Variants in MAGI2 observed in about 807,000 individuals in gnomAD.
MAGI2 encodes the protein membrane associated guanylate kinase, WW and PDZ domain containing 2.
A neutral mutation model predicts 133.3 loss-of-function variants in MAGI2; 35 were observed. The observed-to-expected ratio is 0.26, with a 90% CI of 0.20 to 0.35. The LOEUF is 0.35. MAGI2 is among the 10% of genes least tolerant of loss of function. MAGI2 has a pLI of 1.00. For synonymous variants in MAGI2, 729 were observed against 710.6 expected (o/e 1.03, Z -0.41); for missense variants, 1,636 against 1,863.4 (o/e 0.88, Z 2.25).
At chr7:78,497,625 T>C (rs1205084043) in intron 5 of MAGI2, among the ~76,000 whole-genome samples, 3 of 152,212 alleles carry the variant, frequency 2.0e-5, no homozygotes, top group African/African-American at 7.2e-5. Context: ...AATTGCTTGT[T>C]ACCTTAACTC....
intron 2 of MAGI2, among the ~76,000 whole-genome samples, chr7:78,754,980 C>T (rs1041842443): frequency 4.6e-5 from 7 of 152,120 alleles, no homozygotes; most frequent in East Asian, 1.9e-4. Flanking sequence ...TTCACCTTGA[C>T]GGATGGTCTC....
intron 1 of MAGI2, among the ~76,000 whole-genome samples, chr7:79,207,387 T>C (rs1006204646): frequency 1.3e-5 from 2 of 151,970 alleles, no homozygotes; most frequent in Non-Finnish European, 2.9e-5. Context: ...AACACAATAT[T>C]AATATTTAAA....
chr7:78,809,397 G>A (rs1788855704), intron 2 of MAGI2, among the ~76,000 whole-genome samples: 1 of 152,164 alleles, frequency 6.6e-6, no homozygotes, highest in South Asian at 2.1e-4. Context: ...TATTTCCTCG[G>A]GAGAAAAGTG....
intron 21 of MAGI2, among the ~76,000 whole-genome samples, chr7:78,029,739 A>G (rs1809368597): frequency 6.6e-6 from 1 of 152,242 alleles, no homozygotes; most frequent in South Asian, 2.1e-4. Context: ...CAAAGTCCCC[A>G]TTGAAGTGCA....
chr7:78,642,077 T>C (rs559139020), intron 2 of MAGI2, among the ~76,000 whole-genome samples: 22 of 152,334 alleles, frequency 1.4e-4, no homozygotes, highest in African/African-American at 5.3e-4. Context: ...GGAAGAAACA[T>C]GGAGTCTGTA....
chr7:78,078,788 ATGTGTGTGTGTGTG>A (rs67657112), intron 21 of MAGI2, 145 bp downstream of exon 21: 5 of 624,300 alleles, frequency 8.0e-6, no homozygotes, highest in Admixed American at 2.8e-5. Flanking sequence ...GTGTGTGTGT[ATGTGTGTGTGTGTG>A]TGTGTGTGTG....
At chr7:79,153,721 C>T (rs1217530832) in intron 1 of MAGI2, among the ~76,000 whole-genome samples, 4 of 152,142 alleles carry the variant, frequency 2.6e-5, no homozygotes, top group Admixed American at 2.6e-4. Context: ...ACAAGAGTTA[C>T]AGGACCAGAT....
chr7:78,191,775 G>T (rs530511638), intron 12 of MAGI2, among the ~76,000 whole-genome samples: 11 of 152,138 alleles, frequency 7.2e-5, no homozygotes, highest in Non-Finnish European at 1.6e-4. Flanking sequence ...GTTTCACGTG[G>T]CCGTAGTATC....
intron 6 of MAGI2, among the ~76,000 whole-genome samples, chr7:78,458,549 A>G (rs901623720): frequency 1.3e-5 from 2 of 152,066 alleles, no homozygotes; most frequent in African/African-American, 4.8e-5. Context: ...ATACAATTAA[A>G]TAATAGTTTA....
intron 21 of MAGI2, among the ~76,000 whole-genome samples, chr7:78,021,820 A>G (rs1449336349): frequency 6.6e-6 from 1 of 152,168 alleles, no homozygotes; most frequent in Non-Finnish European, 1.5e-5. Flanking sequence ...CTGAGCCTCA[A>G]TTTCTTCCTT....
chr7:79,437,141 C>A (rs1363329457), intron 1 of MAGI2, among the ~76,000 whole-genome samples: 1 of 152,036 alleles, frequency 6.6e-6, no homozygotes, highest in African/African-American at 2.4e-5. Context: ...GGAAGCTAAA[C>A]ATTGGTACAC....
At position 78,131,623 on chromosome 7, in the gene MAGI2, C is replaced by T. The variant is rs186113167; in HGVS notation, c.3203+1266G>A. On this transcript the variant is annotated intron_variant, in intron 18 of 21. Transcript: ENST00000354212. ...TCTGTTTTTGTTTGTTTGTTTCCCA[C>T]GGAAAGCGAGAAAGCATCATGGGAA... Among the ~76,000 whole-genome samples the T allele has an allele frequency of 3.2e-3, 484 of 152,258 alleles. 1 individual carries two copies. Among genetic ancestry groups the T allele is most frequent in the African/African-American group, 0.01 (425 of 41,558 alleles).
chr7:78,444,804 G>A (rs959460034), intron 6 of MAGI2, among the ~76,000 whole-genome samples: 2 of 148,718 alleles, frequency 1.3e-5, no homozygotes, highest in Non-Finnish European at 3.0e-5. Flanking sequence ...ATATATGTGT[G>A]TACATACAAA....
intron 2 of MAGI2, among the ~76,000 whole-genome samples, chr7:78,921,830 G>A (rs1023364358): frequency 6.6e-6 from 1 of 151,822 alleles, no homozygotes; most frequent in South Asian, 2.1e-4. Context: ...GACAGGTTTC[G>A]CCATGTTGGC....
chr7:79,016,594 T>C (rs574038301), intron 1 of MAGI2, among the ~76,000 whole-genome samples: 20 of 152,244 alleles, frequency 1.3e-4, no homozygotes, highest in African/African-American at 3.9e-4. Context: ...CCTACATTGC[T>C]TTGCTGAGGC....
chr7:79,151,211 A>G lies in MAGI2; in HGVS notation c.302-144005T>C, dbSNP rs576044003. 2.3e-4 allele frequency among the ~76,000 whole-genome samples: 35 copies of G among 152,270 alleles called. No individual in the cohort carries two copies. In the South Asian group the frequency reaches 7.2e-3, roughly 32 times the overall value. On this transcript the variant is annotated intron_variant, in intron 1 of 21. Transcript: ENST00000354212. ...CATTCAAGAAATGCTTTTTTATTACATAACTTTTTGGAATTTCATGTAACT... is the reference window on the plus strand; with the variant it reads ...CATTCAAGAAATGCTTTTTTATTACGTAACTTTTTGGAATTTCATGTAACT...
chr7:78,054,962 T>C (rs1337854607), intron 21 of MAGI2, among the ~76,000 whole-genome samples: 1 of 151,876 alleles, frequency 6.6e-6, no homozygotes, highest in Admixed American at 6.6e-5. Flanking sequence ...CTTAACCTTA[T>C]TTCTTTTTCT....
intron 20 of MAGI2, among the ~76,000 whole-genome samples, chr7:78,090,895 A>C (rs1817126605): frequency 6.6e-6 from 1 of 152,238 alleles, no homozygotes; most frequent in Non-Finnish European, 1.5e-5. Flanking sequence ...TGCATTTACC[A>C]GTCCTGTGAG....
chr7:78,598,652 C>T (rs999534180), intron 3 of MAGI2, among the ~76,000 whole-genome samples: 2 of 152,068 alleles, frequency 1.3e-5, no homozygotes, highest in African/African-American at 4.8e-5. Flanking sequence ...CAAGGAAACC[C>T]GTTGGGAGGG....
Sources: allele counts gnomAD v4.1 joint callset (sites outside exome capture counted in the v4.1 genomes callset), GRCh38; gene constraint gnomAD v4.1.1; transcripts MANE v1.5; gene names NCBI Gene and HGNC (gene_info 2026-07-23, HGNC 2026-07-21).